Variants in REDIC1 observed in about 807,000 individuals in gnomAD.
REDIC1 encodes the protein HEI10 Interacting Protein 1.
chr12:39,894,076 T>A, the REDIC1 span, among the ~76,000 whole-genome samples: 1 of 152,230 alleles, frequency 6.6e-6, no homozygotes, highest in African/African-American at 2.4e-5. Flanking sequence ...TACATTTTAA[T>A]AAATGTTTTT....
At chr12:39,763,156 C>G in the REDIC1 span, among the ~76,000 whole-genome samples, 1 of 151,814 alleles carries the variant, frequency 6.6e-6, no homozygotes, top group Non-Finnish European at 1.5e-5. Context: ...ATGAATTTAT[C>G]GAAAAATTTT....
At chr12:39,768,671 G>A in the REDIC1 span, among the ~76,000 whole-genome samples, 5 of 152,076 alleles carry the variant, frequency 3.3e-5, no homozygotes, top group South Asian at 2.1e-4. Context: ...TAAGTTTGAC[G>A]TCTTATACGG....
the REDIC1 span, among the ~76,000 whole-genome samples, chr12:39,849,374 A>C: frequency 4.6e-5 from 7 of 152,110 alleles, no homozygotes; most frequent in African/African-American, 1.7e-4. Flanking sequence ...TCTCAGAGTT[A>C]ATGCTTCATC....
the REDIC1 span, chr12:39,682,598 G>A: frequency 4.6e-6 from 7 of 1,514,276 alleles, no homozygotes; most frequent in Non-Finnish European, 6.2e-6. Context: ...ATATGTTTTT[G>A]TTTATCCCAA....
At chr12:39,733,688 G>C in the REDIC1 span, among the ~76,000 whole-genome samples, 2 of 152,162 alleles carry the variant, frequency 1.3e-5, no homozygotes, top group Non-Finnish European at 2.9e-5. Context: ...CTTTCCTGTG[G>C]CTTTGTTTAC....
the REDIC1 span, among the ~76,000 whole-genome samples, chr12:39,751,107 C>T: frequency 3.3e-5 from 5 of 152,162 alleles, no homozygotes; most frequent in Non-Finnish European, 5.9e-5. Context: ...AAAGAAACTA[C>T]TATCAGAGCG....
chr12:39,753,497 G>T, the REDIC1 span, among the ~76,000 whole-genome samples: 1 of 152,122 alleles, frequency 6.6e-6, no homozygotes, highest in African/African-American at 2.4e-5. Flanking sequence ...TGCCATTCAG[G>T]AGGACACATA....
chr12:39,711,566 TATATGTGCATACACATGC>T, the REDIC1 span, among the ~76,000 whole-genome samples: 2 of 10,402 alleles, frequency 1.9e-4, no homozygotes, highest in Admixed American at 1.2e-3. Context: ...CATGCATGTG[TATATGTGCATACACATGC>T]ATGTGTATAT....
the REDIC1 span, among the ~76,000 whole-genome samples, chr12:39,785,278 C>G: frequency 2.0e-5 from 3 of 152,152 alleles, no homozygotes; most frequent in Non-Finnish European, 2.9e-5. Flanking sequence ...CCCTGTGTCC[C>G]AGCTGCTCCA....
the REDIC1 span, among the ~76,000 whole-genome samples, chr12:39,744,278 A>T: frequency 1.1e-4 from 16 of 152,302 alleles, no homozygotes; most frequent in African/African-American, 3.8e-4. Flanking sequence ...TCAGACAAAA[A>T]TTGAGGGAGT....
the REDIC1 span, among the ~76,000 whole-genome samples, chr12:39,896,564 A>ATATG: frequency 1.8e-5 from 2 of 110,782 alleles, no homozygotes; most frequent in Admixed American, 2.0e-4. Flanking sequence ...ATGTATACAT[A>ATATG]TATGTATGTA....
At chr12:39,759,098 G>A in the REDIC1 span, 149,447 of 152,532 alleles carry the variant, frequency 0.98, 73,222 homozygotes, top group East Asian at 1. Flanking sequence ...ATGAAGGCAC[G>A]AAATAGTAGG....
chr12:39,712,976 TATATAC>T, the REDIC1 span, among the ~76,000 whole-genome samples: 2 of 21,572 alleles, frequency 9.3e-5, no homozygotes, highest in South Asian at 1.4e-3. Flanking sequence ...TGTATATGTA[TATATAC>T]ATGTGTATAT....
chr12:39,729,133 AAG>A, the REDIC1 span, among the ~76,000 whole-genome samples: 1 of 152,128 alleles, frequency 6.6e-6, no homozygotes, highest in African/African-American at 2.4e-5. Context: ...TGAGTTTTTG[AAG>A]GGTTTTTCAT....
the REDIC1 span, among the ~76,000 whole-genome samples, chr12:39,889,733 T>C: frequency 2.0e-5 from 3 of 152,014 alleles, no homozygotes; most frequent in Non-Finnish European, 4.4e-5. Context: ...GGTTTCACCA[T>C]GTTGGCCAGG....
At chr12:39,689,816 A>G in the REDIC1 span, among the ~76,000 whole-genome samples, 10 of 152,326 alleles carry the variant, frequency 6.6e-5, no homozygotes, top group Non-Finnish European at 1.0e-4. Flanking sequence ...ATATAGATGT[A>G]TCCTCCCAAA....
chr12:39,655,973 C>T, the REDIC1 span, among the ~76,000 whole-genome samples: 3 of 152,012 alleles, frequency 2.0e-5, no homozygotes, highest in Non-Finnish European at 4.4e-5. Flanking sequence ...TCCTGCCCCA[C>T]ATCAGGTTTT....
chr12:39,792,254 C>T, the REDIC1 span, among the ~76,000 whole-genome samples: 44 of 142,804 alleles, frequency 3.1e-4, no homozygotes, highest in Non-Finnish European at 3.2e-4. Context: ...AAACGTTAGA[C>T]CTAAAACCAT....
the REDIC1 span, among the ~76,000 whole-genome samples, chr12:39,860,494 C>T: frequency 6.6e-6 from 1 of 152,156 alleles, no homozygotes; most frequent in South Asian, 2.1e-4. Flanking sequence ...CATTCTAGAA[C>T]TCTCCTCCAA....
Sources: gnomAD v4.1 joint callset for allele counts (sites outside exome capture counted in the v4.1 genomes callset) on GRCh38, gnomAD v4.1.1 for gene constraint, MANE v1.5 for transcripts, NCBI Gene and HGNC (gene_info 2026-07-23, HGNC 2026-07-21) for gene names.